EXOC6: variants seen among roughly 807,000 people sequenced by gnomAD.
EXOC6 encodes the protein SEC15-like 1.
In EXOC6, 60 loss-of-function variants were observed where a neutral mutation model predicts 112.5. The ratio of observed to expected loss-of-function variants is 0.53; its 90% CI spans 0.43 to 0.66. The LOEUF is 0.66. Among genes scored for constraint, EXOC6 ranks in the 30% least tolerant of loss-of-function variants. The pLI, the probability that EXOC6 is intolerant of heterozygous loss-of-function variation, is 0.00. For missense variants in EXOC6, 855 were observed against 957.1 expected (o/e 0.89, Z 1.41); for synonymous variants, 295 against 308.0 (o/e 0.96, Z 0.44).
At chr10:93,015,592 G>T (rs1333184269) in intron 20 of EXOC6, among the ~76,000 whole-genome samples, 2 of 152,176 alleles carry the variant, frequency 1.3e-5, no homozygotes, top group Non-Finnish European at 2.9e-5. Context: ...AATTAGCTGT[G>T]CGTGGTGGCA....
chr10:92,848,456 C>A, upstream of EXOC6: 2 of 1,007,480 alleles, frequency 2.0e-6, no homozygotes, highest in Non-Finnish European at 2.5e-6. Context: ...CCCGCCCCTT[C>A]GCGCTCGCGC....
Position 93,049,166 on chromosome 10 carries a change from T to G in EXOC6, c.2170-7758T>G, listed in dbSNP as rs562305153. Among the ~76,000 whole-genome samples the G allele has an allele frequency of 1.6e-3, 242 of 152,154 alleles. 1 individual carries two copies. The highest frequency in any genetic ancestry group is 5.5e-3 in the African/African-American group (230 of 41,516). ...TCCGCCTCCTAGGTTCATGCCATTCTCCTGCCTCAGCCTCCTGAGTAGCTG... is the reference window on the plus strand; with the variant it reads ...TCCGCCTCCTAGGTTCATGCCATTCGCCTGCCTCAGCCTCCTGAGTAGCTG... On this transcript the variant is annotated intron_variant, in intron 20 of 21. Coordinates refer to ENST00000260762, the MANE Select transcript of EXOC6 (RefSeq NM_019053.6).
Position 93,055,161 on chromosome 10 carries a change from C to T in EXOC6, c.2170-1763C>T, listed in dbSNP as rs141826179. 4.5e-4 allele frequency among the ~76,000 whole-genome samples: 68 copies of T among 152,186 alleles called. No homozygotes were observed. The East Asian group carries it at 0.011, about 24-fold the overall frequency. ...CCCAGCTTATAACCGGCATCCTTAA[C>T]GTTTTTGCAAATTTTCTTCCAGTCT... is the stretch of plus-strand genomic sequence containing the variant. On this transcript the variant is annotated intron_variant, in intron 20 of 21. Coordinates refer to ENST00000260762, the MANE Select transcript of EXOC6 (RefSeq NM_019053.6).
chr10:92,911,584 GGATTTAA>G (rs1850763702), intron 6 of EXOC6, among the ~76,000 whole-genome samples: 7 of 152,084 alleles, frequency 4.6e-5, no homozygotes, highest in Admixed American at 4.6e-4. Context: ...ATGGGCCCTA[GGATTTAA>G]GATTTACAAA....
chr10:92,848,429 G>T, upstream of EXOC6: 1 of 911,198 alleles, frequency 1.1e-6, no homozygotes, highest in South Asian at 4.8e-5. Flanking sequence ...CCGCCGGCCC[G>T]AGCGCCCCGC....
In EXOC6 at chr10:92,974,063, A is replaced by C. The variant is rs759168667; in HGVS notation, c.1784A>C (p.His595Pro). Residue 595 changes from histidine (H) to proline (P), a missense_variant, in exon 18 of 22, where the codon CAT (histidine) becomes CCT (proline). Coordinates refer to ENST00000260762, the MANE Select transcript of EXOC6 (RefSeq NM_019053.6). ...YGLSTFKDAR[H>P]AAEGEIYTKL... is the part of the protein sequence containing the mutation. ...TTTGTCCCATGTCAGGATGCTCGAC[A>C]TGCAGCAGAAGGAGAAATATATACC... 1 of 1,589,892 alleles carries C rather than the reference A, an allele frequency of 6.3e-7. No individual in the cohort carries two copies. Among genetic ancestry groups the C allele is most frequent in the Non-Finnish European group, 8.5e-7 (1 of 1,174,328 alleles).
At chr10:92,883,883 TTTG>T in intron 1 of EXOC6, among the ~76,000 whole-genome samples, 1 of 150,694 alleles carries the variant, frequency 6.6e-6, no homozygotes, top group South Asian at 2.1e-4. Flanking sequence ...TTGTTTTCTT[TTTG>T]TTCTTTTCTT....
intron 8 of EXOC6, among the ~76,000 whole-genome samples, chr10:92,926,680 C>G (rs897509459): frequency 2.6e-5 from 4 of 152,026 alleles, no homozygotes; most frequent in Non-Finnish European, 5.9e-5. Flanking sequence ...ATTACAGGCA[C>G]GTACCACCAT....
At chr10:92,911,972 TG>T (rs1850810326) in intron 6 of EXOC6, among the ~76,000 whole-genome samples, 1 of 145,262 alleles carries the variant, frequency 6.9e-6, no homozygotes. Context: ...TGTGTGTGTG[TG>T]TTTGTGTATG....
In EXOC6 at chr10:93,036,593, TGTAA is replaced by T. The variant is rs1489548727; in HGVS notation, c.2170-20327_2170-20324del. Among the ~76,000 whole-genome samples the T allele has an allele frequency of 5.3e-5, 8 of 152,316 alleles. No homozygotes were observed. In the South Asian group the frequency reaches 1.0e-3, roughly 20 times the overall value. ...TTTATACATATATATCGAGCACTTG[TGTAA>T]GTATTTCTGTAGGCCTTTAGAAGTG... On this transcript the variant is annotated intron_variant, in intron 20 of 21. Coordinates refer to ENST00000260762, the MANE Select transcript of EXOC6 (RefSeq NM_019053.6).
chr10:92,953,771 G>A (rs1395787251), intron 15 of EXOC6, among the ~76,000 whole-genome samples: 1 of 152,116 alleles, frequency 6.6e-6, no homozygotes. Flanking sequence ...TTGTTTTTTA[G>A]TGCTAGCTTA....
intron 17 of EXOC6, among the ~76,000 whole-genome samples, chr10:92,963,191 G>A (rs948518161): frequency 1.3e-5 from 2 of 152,146 alleles, no homozygotes; most frequent in Admixed American, 6.5e-5. Flanking sequence ...TTAAAATAAT[G>A]TTTGGTTTAC....
At chr10:92,851,756 A>T (rs1400324095) in intron 1 of EXOC6, among the ~76,000 whole-genome samples, 2 of 152,020 alleles carry the variant, frequency 1.3e-5, no homozygotes, top group Non-Finnish European at 2.9e-5. Context: ...GATTCTACAG[A>T]CATTAAAAAA....
upstream of EXOC6, chr10:92,834,670 T>A (rs780421461): frequency 2.1e-5 from 26 of 1,267,886 alleles, no homozygotes; most frequent in East Asian, 4.2e-4. Context: ...TTTTTTTTTT[T>A]ATAAATTACA....
chr10:92,892,392 T>C (rs1455119949), intron 1 of EXOC6, among the ~76,000 whole-genome samples: 2 of 152,206 alleles, frequency 1.3e-5, no homozygotes, highest in Admixed American at 6.5e-5. Context: ...TGGAGTATTG[T>C]CAATCAGGGA....
intron 17 of EXOC6, among the ~76,000 whole-genome samples, chr10:92,970,093 G>T (rs1842232233): frequency 6.6e-6 from 1 of 151,854 alleles, no homozygotes; most frequent in African/African-American, 2.4e-5. Context: ...TTTAACAAGT[G>T]CTCATCTACT....
At chr10:92,934,259 TC>T (rs770568995) in intron 10 of EXOC6, 50 bp from the exon 11 acceptor site, 385 of 1,545,338 alleles carry the variant, frequency 2.5e-4, no homozygotes, top group Non-Finnish European at 3.2e-4. Context: ...ATACTTACTT[TC>T]TATTAGGGTT....
intron 18 of EXOC6, among the ~76,000 whole-genome samples, chr10:92,978,443 C>T (rs756878770): frequency 1.3e-5 from 2 of 151,676 alleles, no homozygotes; most frequent in Non-Finnish European, 2.9e-5. Context: ...GTCCTAACAA[C>T]AATATATTGT....
chr10:93,057,131 G>C (rs1024977729), intron 21 of EXOC6, 95 bp downstream of exon 21: 3 of 656,504 alleles, frequency 4.6e-6, no homozygotes, highest in Non-Finnish European at 7.5e-6. Flanking sequence ...AAAAAGAAAA[G>C]TCTAGATGGA....
Sources: allele counts gnomAD v4.1 joint callset (sites outside exome capture counted in the v4.1 genomes callset), GRCh38; gene constraint gnomAD v4.1.1; transcripts MANE v1.5; gene names NCBI Gene and HGNC (gene_info 2026-07-23, HGNC 2026-07-21).